Variants in TPP2 observed in about 807,000 individuals in gnomAD.
The protein encoded by TPP2 is tripeptidyl peptidase 2, also known as tripeptidyl-peptidase 2.
A neutral mutation model predicts 155.9 loss-of-function variants in TPP2; 34 were observed. The observed-to-expected ratio is 0.22, with a 90% CI of 0.17 to 0.29. The LOEUF is 0.29. Ranked by LOEUF, TPP2 falls within the 10% of genes least tolerant of loss-of-function variation. The pLI is 1.00. For missense variants in TPP2, 1,028 were observed against 1,522.3 expected (o/e 0.68, Z 5.40); for synonymous variants, 510 against 529.4 (o/e 0.96, Z 0.50).
At chr13:102,616,918 GT>G (rs67497572) in intron 4 of TPP2, among the ~76,000 whole-genome samples, 15,400 of 143,504 alleles carry the variant, frequency 0.11, 932 homozygotes, top group African/African-American at 0.17. Flanking sequence ...TTTGTTTTTT[GT>G]TTTTTTTTTT....
rs140025201 is a variant in TPP2, at chr13:102,662,400, T to A, written c.3144-1248T>A. Among the ~76,000 whole-genome samples the A allele has an allele frequency of 1.5e-3, 226 of 152,272 alleles. 2 individuals are homozygous for A. The highest frequency in any genetic ancestry group is 0.012 in the East Asian group (62 of 5,188). ...AAATTCACACTTAAAATGGGAAAAT[T>A]GTATGGAGAAAAAATTGAAAAGGTT... On this transcript the variant is annotated intron_variant, in intron 25 of 29. Transcript: ENST00000376052.
chr13:102,622,790 A>G, intron 5 of TPP2, 87 bp from the exon 6 acceptor site: 1 of 1,369,878 alleles, frequency 7.3e-7, no homozygotes, highest in South Asian at 1.4e-5. Context: ...GTAGTAGTAT[A>G]GTAAAATAGT....
At chr13:102,667,242 TTTAG>T (rs1884670489) in intron 27 of TPP2, among the ~76,000 whole-genome samples, 2 of 152,158 alleles carry the variant, frequency 1.3e-5, no homozygotes, top group Non-Finnish European at 2.9e-5. Context: ...AATATCATGT[TTTAG>T]TTAAATTTAA....
At chr13:102,675,031 C>T (rs1186085104) in intron 28 of TPP2, among the ~76,000 whole-genome samples, 1 of 152,170 alleles carries the variant, frequency 6.6e-6, no homozygotes, top group Non-Finnish European at 1.5e-5. Flanking sequence ...TCTTTTAGCT[C>T]TCTACTATAA....
At chr13:102,639,326 T>C (rs1381628614) in intron 15 of TPP2, among the ~76,000 whole-genome samples, 1 of 152,088 alleles carries the variant, frequency 6.6e-6, no homozygotes, top group Non-Finnish European at 1.5e-5. Flanking sequence ...AAATATTAAG[T>C]ATGCAATAGA....
intron 1 of TPP2, among the ~76,000 whole-genome samples, chr13:102,604,230 C>T (rs1473952440): frequency 1.3e-5 from 2 of 152,104 alleles, no homozygotes; most frequent in Non-Finnish European, 2.9e-5. Flanking sequence ...AAGCTCTAAA[C>T]TTGTCCAGCC....
At chr13:102,654,804 C>A in intron 24 of TPP2, 1 of 375,820 alleles carries the variant, frequency 2.7e-6, no homozygotes, top group South Asian at 2.0e-5. Flanking sequence ...CTTTGCTGTA[C>A]AGATGACACT....
At chr13:102,661,047 T>C (rs951996068) in intron 25 of TPP2, among the ~76,000 whole-genome samples, 11 of 152,060 alleles carry the variant, frequency 7.2e-5, no homozygotes, top group African/African-American at 2.7e-4. Flanking sequence ...TGGTAAACTT[T>C]CATGACCTTA....
intron 6 of TPP2, among the ~76,000 whole-genome samples, chr13:102,624,086 T>C (rs1881375078): frequency 6.6e-6 from 1 of 152,340 alleles, no homozygotes; most frequent in Middle Eastern, 3.4e-3. Flanking sequence ...TATAAACCCC[T>C]AATACATAAA....
Position 102,663,675 on chromosome 13 carries a change from A to C in TPP2, c.3171A>C (p.Glu1057Asp). ...TGGATTCTAGTGACATTTATAACGA[A>C]TTGAAAGAAACATATCCTAATTATC... ...TKLDSSDIYN[E>D]LKETYPNYLP... is the part of the protein sequence containing the mutation. Residue 1057 changes from glutamate (E) to aspartate (D), a missense_variant, in exon 26 of 30, where the codon GAA becomes GAC. Physicochemically the swap from Glu to Asp is conservative, Grantham distance 45. Transcript: ENST00000376052. 1.9e-6 allele frequency: 3 copies of C among 1,605,142 alleles called. No individual in the cohort carries two copies. The highest frequency in any genetic ancestry group is 2.5e-6 in the Non-Finnish European group (3 of 1,177,196).
chr13:102,605,136 C>T (rs1476047461), intron 2 of TPP2, among the ~76,000 whole-genome samples: 1 of 152,200 alleles, frequency 6.6e-6, no homozygotes, highest in African/African-American at 2.4e-5. Context: ...TCCAGTCGCC[C>T]TGGAGGTTGC....
At chr13:102,636,444 GA>G (rs1882387885) in intron 13 of TPP2, 52 bp downstream of exon 13, 1 of 1,560,574 alleles carries the variant, frequency 6.4e-7, no homozygotes, top group African/African-American at 1.4e-5. Context: ...CTGTTTGAAT[GA>G]GTGGTATCAT....
intron 7 of TPP2, among the ~76,000 whole-genome samples, chr13:102,627,508 G>A (rs2442703): frequency 0.5 from 75,125 of 151,656 alleles, 18,997 homozygotes; most frequent in African/African-American, 0.6. Flanking sequence ...CATTCTGTAC[G>A]TCATTTTAAC....
At chr13:102,670,572 C>T (rs1047047420) in intron 27 of TPP2, among the ~76,000 whole-genome samples, 1 of 152,184 alleles carries the variant, frequency 6.6e-6, no homozygotes, top group Non-Finnish European at 1.5e-5. Flanking sequence ...TATTGAATAT[C>T]GTGGGTCTGT....
intron 3 of TPP2, among the ~76,000 whole-genome samples, chr13:102,614,678 T>C (rs1880584057): frequency 6.6e-6 from 1 of 152,130 alleles, no homozygotes; most frequent in African/African-American, 2.4e-5. Flanking sequence ...CTAAAACTGC[T>C]GAAGTGTAAG....
At chr13:102,597,356 A>G (rs3818535) in intron 1 of TPP2, among the ~76,000 whole-genome samples, 153 bp downstream of exon 1, 72,799 of 151,906 alleles carry the variant, frequency 0.48, 17,705 homozygotes, top group African/African-American at 0.55. Context: ...GGTCAGAGCC[A>G]GGCGCGGGAG....
intron 1 of TPP2, among the ~76,000 whole-genome samples, chr13:102,600,719 A>G (rs1054602049): frequency 6.6e-6 from 1 of 152,156 alleles, no homozygotes; most frequent in African/African-American, 2.4e-5. Context: ...CATAGAGGGA[A>G]AAAAAAGGTT....
chr13:102,646,179 A>G, intron 19 of TPP2, 115 bp from the exon 20 acceptor site: 1 of 657,006 alleles, frequency 1.5e-6, no homozygotes, highest in South Asian at 2.1e-5. Flanking sequence ...GATAGCTCTC[A>G]GGAAGGTTCA....
intron 10 of TPP2, 26 bp from the exon 11 acceptor site, chr13:102,633,924 G>A (rs1882195688): frequency 6.2e-7 from 1 of 1,613,344 alleles, no homozygotes; most frequent in Non-Finnish European, 8.5e-7. Flanking sequence ...ACCATCCTAA[G>A]CAAACTTCAA....
Sources: allele counts gnomAD v4.1 joint callset (sites outside exome capture counted in the v4.1 genomes callset), GRCh38; gene constraint gnomAD v4.1.1; transcripts MANE v1.5; gene names NCBI Gene and HGNC (gene_info 2026-07-23, HGNC 2026-07-21).